Variants in MAP3K15 observed in about 807,000 individuals in gnomAD.
MAP3K15 encodes the protein MAPK/ERK kinase kinase 15.
Under a neutral mutation model 99.5 loss-of-function variants are expected in MAP3K15, and 124 were observed. That is an observed-to-expected ratio of 1.25 (90% CI 1.08 to 1.45). The LOEUF (loss-of-function observed/expected upper bound fraction) is 1.45. Among genes scored for constraint, MAP3K15 ranks in the 40% most tolerant of loss-of-function variants. The pLI is 0.00. For missense variants in MAP3K15, 1,242 were observed against 1,079.7 expected (o/e 1.15, Z -2.11); for synonymous variants, 494 against 439.6 (o/e 1.12, Z -1.55).
chrX:19,372,471 CT>C (rs2063382420), intron 22 of MAP3K15, among the ~76,000 whole-genome samples, 181 bp downstream of exon 22: 1 of 112,299 alleles, frequency 8.9e-6, no homozygotes, highest in Non-Finnish European at 1.9e-5. Flanking sequence ...AGCTTTTTTT[CT>C]TTGTATTTTC....
chrX:19,498,044 G>A (rs1455415390), intron 1 of MAP3K15, among the ~76,000 whole-genome samples: 4 of 111,579 alleles, frequency 3.6e-5, no homozygotes. Flanking sequence ...TGTATAAAAA[G>A]AATATATACT....
chrX:19,419,279 G>C (rs1304836292), intron 9 of MAP3K15, among the ~76,000 whole-genome samples: 2 of 110,209 alleles, frequency 1.8e-5, no homozygotes, highest in African/African-American at 6.6e-5. Context: ...TCAGTGTGCT[G>C]TATTCAGGAA....
At chrX:19,386,325 G>A (rs1020915750) in intron 18 of MAP3K15, among the ~76,000 whole-genome samples, 10 of 111,191 alleles carry the variant, frequency 9.0e-5, no homozygotes, top group African/African-American at 2.9e-4. Context: ...GCATGGTGGC[G>A]TGTGCCTGTG....
intron 6 of MAP3K15, among the ~76,000 whole-genome samples, chrX:19,434,518 G>A (rs1312522110): frequency 1.4e-4 from 15 of 110,464 alleles, no homozygotes; most frequent in Non-Finnish European, 1.9e-4. Flanking sequence ...GATTACAGGC[G>A]TGAGCCACTG....
At chrX:19,465,549 C>G (rs766314774) in intron 3 of MAP3K15, among the ~76,000 whole-genome samples, 2 of 102,902 alleles carry the variant, frequency 1.9e-5, no homozygotes, top group Admixed American at 2.2e-4. Context: ...AGTTTGAGAC[C>G]AGCCTGGCCA....
At chrX:19,477,707 GAA>G (rs770275001) in intron 3 of MAP3K15, among the ~76,000 whole-genome samples, 5 of 20,650 alleles carry the variant, frequency 2.4e-4, no homozygotes, top group Admixed American at 1.0e-3. Context: ...AAGAGTGTTA[GAA>G]AAAAAAAAAA....
intron 6 of MAP3K15, among the ~76,000 whole-genome samples, chrX:19,444,591 A>G (rs1295856198): frequency 8.9e-6 from 1 of 112,021 alleles, no homozygotes; most frequent in East Asian, 2.8e-4. Context: ...CTATGGCATC[A>G]ATACCTCTGG....
intron 18 of MAP3K15, among the ~76,000 whole-genome samples, chrX:19,388,053 A>G (rs1428036505): frequency 2.7e-5 from 3 of 112,712 alleles, no homozygotes; most frequent in Admixed American, 9.4e-5. Flanking sequence ...GATTAGGGAG[A>G]AAAAGACAAC....
At chrX:19,414,973 A>G (rs914127938) in intron 10 of MAP3K15, 134 bp downstream of exon 10, 5 of 556,991 alleles carry the variant, frequency 9.0e-6, no homozygotes, top group African/African-American at 2.4e-5. Flanking sequence ...CTGATTTCAC[A>G]TAAGATTGAT....
chrX:19,432,598 G>T (rs946722352), intron 6 of MAP3K15, among the ~76,000 whole-genome samples: 1 of 109,337 alleles, frequency 9.1e-6, no homozygotes, highest in African/African-American at 3.3e-5. Context: ...AAAGACAATT[G>T]GGAAAATTTG....
chrX:19,377,619 C>T (rs1036127441), intron 19 of MAP3K15, among the ~76,000 whole-genome samples: 5 of 111,960 alleles, frequency 4.5e-5, no homozygotes, highest in African/African-American at 6.5e-5. Context: ...GCATGCCCTG[C>T]GGAGGAATCG....
intron 1 of MAP3K15, among the ~76,000 whole-genome samples, chrX:19,492,264 C>T (rs750902272): frequency 9.0e-6 from 1 of 110,945 alleles, no homozygotes; most frequent in South Asian, 3.9e-4. Flanking sequence ...CCATCCGCAA[C>T]ATCCACCCCT....
intron 28 of MAP3K15, 21 bp downstream of exon 28, chrX:19,361,317 CA>C (rs869305616): frequency 8.6e-7 from 1 of 1,161,482 alleles, no homozygotes; most frequent in Non-Finnish European, 1.2e-6. Context: ...TTCTCTTATA[CA>C]AACTGTTTTG....
intron 6 of MAP3K15, among the ~76,000 whole-genome samples, chrX:19,453,356 C>A (rs1246035060): frequency 1.8e-5 from 2 of 109,625 alleles, no homozygotes; most frequent in Non-Finnish European, 3.8e-5. Flanking sequence ...AAATATTAGC[C>A]AGGCGTGGTG....
intron 13 of MAP3K15, among the ~76,000 whole-genome samples, chrX:19,406,549 T>TA (rs2063648751): frequency 8.9e-6 from 1 of 112,259 alleles, no homozygotes; most frequent in Non-Finnish European, 1.9e-5. Context: ...GATTAATGGT[T>TA]ACCTAGGGCT....
At chrX:19,384,745 AG>A (rs1491153588) in intron 18 of MAP3K15, among the ~76,000 whole-genome samples, 21 of 53,047 alleles carry the variant, frequency 4.0e-4, no homozygotes, top group African/African-American at 1.5e-3. Context: ...ACCTTGTCTC[AG>A]GGGAAAAAAA....
chrX:19,370,439 A>G (rs1297489979), intron 24 of MAP3K15, among the ~76,000 whole-genome samples: 3 of 109,653 alleles, frequency 2.7e-5, no homozygotes, highest in African/African-American at 1.0e-4. Context: ...TCTGTTGCCC[A>G]GGCTGGAGTG....
At chrX:19,469,125 C>T (rs1370196337) in intron 3 of MAP3K15, among the ~76,000 whole-genome samples, 1 of 111,371 alleles carries the variant, frequency 9.0e-6, no homozygotes, top group Non-Finnish European at 1.9e-5. Flanking sequence ...AAGCTGGAGG[C>T]ATCACGCTAC....
At chrX:19,398,202 T>C (rs746825259) in intron 15 of MAP3K15, 24 bp downstream of exon 15, 32 of 1,207,620 alleles carry the variant, frequency 2.6e-5, no homozygotes, top group Non-Finnish European at 3.4e-5. Flanking sequence ...GCACCCGAAA[T>C]GCGGAAGGCC....
Sources: gnomAD v4.1 joint callset for allele counts (sites outside exome capture counted in the v4.1 genomes callset) on GRCh38, gnomAD v4.1.1 for gene constraint, MANE v1.5 for transcripts, NCBI Gene and HGNC (gene_info 2026-07-23, HGNC 2026-07-21) for gene names.